Variants in TRPS1 observed in about 807,000 individuals in gnomAD.
The protein encoded by TRPS1 is transcriptional repressor GATA binding 1.
Under a neutral mutation model 101.2 loss-of-function variants are expected in TRPS1, and 6 were observed. The observed-to-expected ratio is 0.06, with a 90% CI of 0.03 to 0.12. TRPS1 has a LOEUF of 0.12. Ranked by LOEUF, TRPS1 falls within the 10% of genes least tolerant of loss-of-function variation. The pLI is 1.00. For synonymous variants in TRPS1, 578 were observed against 589.8 expected (o/e 0.98, Z 0.29); for missense variants, 1,363 against 1,567.0 (o/e 0.87, Z 2.20).
chr8:115,433,716 T>G (rs138512918), intron 5 of TRPS1, among the ~76,000 whole-genome samples: 1 of 152,156 alleles, frequency 6.6e-6, no homozygotes, highest in African/African-American at 2.4e-5. Context: ...AACGTACATA[T>G]GAAAGCCATT....
intron 1 of TRPS1, among the ~76,000 whole-genome samples, chr8:115,650,763 G>A (rs1400460219): frequency 6.6e-6 from 1 of 152,206 alleles, no homozygotes; most frequent in African/African-American, 2.4e-5. Context: ...GGCTATCACT[G>A]AGGGAAACGT....
rs1012434437 is a variant in TRPS1 at position 115,668,670 on chromosome 8, G to C, written c.-247C>G. 6 of 152,400 alleles carry C rather than the reference G, an allele frequency of 3.9e-5. No homozygotes were observed. The highest frequency in any genetic ancestry group is 1.5e-4 in the African/African-American group (6 of 41,116). The allele number at this position is 152,400 out of a possible 1,614,324, so 9.4% of individuals were successfully genotyped here. A position where few individuals can be genotyped will look rare whatever the true frequency, so the allele number is the denominator to read the frequency against. ...GATTATTGCGGGGGGGAGAGAAAAA[G>C]GTCTTTCCTGCCTCCCCCCCCTTTC... On this transcript the variant is annotated 5_prime_UTR_variant, in exon 1 of 7. Coordinates refer to ENST00000395715, the MANE Select transcript of TRPS1 (RefSeq NM_014112.5).
chr8:115,441,898 A>AGTGTGTGTGT (rs796637255), intron 5 of TRPS1, among the ~76,000 whole-genome samples: 8 of 116,148 alleles, frequency 6.9e-5, no homozygotes, highest in Admixed American at 2.6e-4. Flanking sequence ...AGAGAGAGAG[A>AGTGTGTGTGT]GTGTGTGTGT....
chr8:115,662,011 A>C (rs1256335481), intron 1 of TRPS1, among the ~76,000 whole-genome samples: 2 of 152,060 alleles, frequency 1.3e-5, no homozygotes, highest in African/African-American at 4.8e-5. Context: ...ATGAATCTAG[A>C]CTTACTCCAA....
chr8:115,631,061 G>A lies in TRPS1; in HGVS notation c.-121-7303C>T, dbSNP rs1007420800. ...AGAGTACCAGATTATCCTAACTTTC[G>A]AATCTGCCTCATAATGCCTAACACA... On this transcript the variant is annotated intron_variant, in intron 1 of 6. Transcript: ENST00000395715. 6.6e-5 allele frequency among the ~76,000 whole-genome samples: 10 copies of A among 151,826 alleles called. No homozygotes were observed. In the East Asian group the frequency reaches 1.4e-3, roughly 21 times the overall value.
chr8:115,449,519 C>G (rs1337586933), intron 5 of TRPS1, among the ~76,000 whole-genome samples: 2 of 152,156 alleles, frequency 1.3e-5, no homozygotes, highest in Non-Finnish European at 2.9e-5. Context: ...TCATTGCAAA[C>G]AAATCCAAAG....
rs1381854819 is a variant in TRPS1 at position 115,527,807 on chromosome 8, T to C, written c.2700+59194A>G. 2.6e-5 allele frequency among the ~76,000 whole-genome samples: 4 copies of C among 152,064 alleles called. No homozygotes were observed. The East Asian group carries it at 5.8e-4, about 22-fold the overall frequency. On this transcript the variant is annotated intron_variant, in intron 5 of 6. Transcript: ENST00000395715. Reference sequence around the variant, plus strand: ...CATTCTGGTATTACACTTCAGCTAATAGGGTTGAGATAAACTGTTCCTTCT... The same window carrying C: ...CATTCTGGTATTACACTTCAGCTAACAGGGTTGAGATAAACTGTTCCTTCT...
At chr8:115,658,142 T>C (rs2130622912) in intron 1 of TRPS1, among the ~76,000 whole-genome samples, 1 of 152,282 alleles carries the variant, frequency 6.6e-6, no homozygotes, top group East Asian at 1.9e-4. Context: ...GACATCATGC[T>C]GCCCATGATC....
At chr8:115,483,802 C>T (rs574829491) in intron 5 of TRPS1, among the ~76,000 whole-genome samples, 10 of 152,164 alleles carry the variant, frequency 6.6e-5, no homozygotes, top group South Asian at 2.1e-4. Context: ...AAATTTGATC[C>T]GCAGAATTGA....
intron 1 of TRPS1, among the ~76,000 whole-genome samples, chr8:115,639,331 A>G (rs1818842395): frequency 6.6e-6 from 1 of 152,132 alleles, no homozygotes. Flanking sequence ...GGCCTTCCAG[A>G]GTGCTGGGAT....
intron 5 of TRPS1, among the ~76,000 whole-genome samples, chr8:115,446,033 CT>C (rs773744446): frequency 6.6e-5 from 10 of 151,644 alleles, no homozygotes; most frequent in Non-Finnish European, 1.2e-4. Context: ...CTTTTTAAGT[CT>C]GAGTTTGGAT....
At chr8:115,510,304 C>G (rs1815552463) in intron 5 of TRPS1, among the ~76,000 whole-genome samples, 1 of 151,880 alleles carries the variant, frequency 6.6e-6, no homozygotes, top group African/African-American at 2.4e-5. Context: ...TGGTTATGGA[C>G]TTATCCTTTA....
At chr8:115,569,460 C>G (rs150745629) in intron 5 of TRPS1, among the ~76,000 whole-genome samples, 1 of 152,200 alleles carries the variant, frequency 6.6e-6, no homozygotes, top group Admixed American at 6.6e-5. Flanking sequence ...TTTTATTCAT[C>G]TCTTCTAGGC....
At chr8:115,621,580 G>T (rs1818393108) in intron 2 of TRPS1, among the ~76,000 whole-genome samples, 1 of 152,124 alleles carries the variant, frequency 6.6e-6, no homozygotes, top group African/African-American at 2.4e-5. Context: ...GTAAAAATGT[G>T]CCACAGTGAA....
chr8:115,491,910 T>A (rs564371453), intron 5 of TRPS1, among the ~76,000 whole-genome samples: 19 of 152,184 alleles, frequency 1.2e-4, no homozygotes, highest in Non-Finnish European at 1.9e-4. Context: ...TATAAATTTT[T>A]ATGATAAATG....
In TRPS1 at chr8:115,516,085, T is replaced by C. The variant is rs546398707; in HGVS notation, c.2700+70916A>G. 4.1e-5 allele frequency among the ~76,000 whole-genome samples: 6 copies of C among 145,238 alleles called. No homozygotes were observed. The Admixed American group carries it at 4.3e-4, about 10-fold the overall frequency. Reference sequence around the variant, plus strand: ...AAATCTACAGTCATTAACAAAATTGTATATAAAATGAGGGGAAAAGAAAAC... The same window carrying C: ...AAATCTACAGTCATTAACAAAATTGCATATAAAATGAGGGGAAAAGAAAAC... On this transcript the variant is annotated intron_variant, in intron 5 of 6. Transcript: ENST00000395715.
chr8:115,476,479 G>A (rs1256818741), intron 5 of TRPS1, among the ~76,000 whole-genome samples: 1 of 152,116 alleles, frequency 6.6e-6, no homozygotes, highest in Admixed American at 6.5e-5. Flanking sequence ...ATTTCCCTAG[G>A]AAGCATGGCT....
intron 5 of TRPS1, among the ~76,000 whole-genome samples, chr8:115,559,243 A>C (rs1400239263): frequency 6.6e-6 from 1 of 152,144 alleles, no homozygotes; most frequent in Non-Finnish European, 1.5e-5. Flanking sequence ...TGGTGTGAGC[A>C]TTTCAATATG....
intron 5 of TRPS1, among the ~76,000 whole-genome samples, chr8:115,480,626 C>T (rs188418513): frequency 3.9e-5 from 6 of 152,060 alleles, no homozygotes; most frequent in Non-Finnish European, 7.4e-5. Flanking sequence ...TGTAACCTCT[C>T]GAAAAATGCA....
Sources: allele counts gnomAD v4.1 joint callset (sites outside exome capture counted in the v4.1 genomes callset), GRCh38; gene constraint gnomAD v4.1.1; transcripts MANE v1.5; gene names NCBI Gene and HGNC (gene_info 2026-07-23, HGNC 2026-07-21).